The following OR1F1 variants were observed in gnomAD, a reference collection of about 807,000 sequenced individuals.
OR1F1 encodes olfactory receptor 1F1.
For missense variants in OR1F1, 493 were observed against 376.3 expected (o/e 1.31, Z -2.57); for synonymous variants, 184 against 156.7 (o/e 1.17, Z -1.30).
At chr16:3,196,951 C>T in the OR1F1 span, among the ~76,000 whole-genome samples, 2 of 151,982 alleles carry the variant, frequency 1.3e-5, no homozygotes, top group East Asian at 3.9e-4. Context: ...ATCTCAGCTT[C>T]CTGCAACCTC....
At chr16:3,196,916 G>T in the OR1F1 span, among the ~76,000 whole-genome samples, 1 of 151,802 alleles carries the variant, frequency 6.6e-6, no homozygotes, top group Non-Finnish European at 1.5e-5. Context: ...TCACTCTGTT[G>T]ACCAGGCTGG....
chr16:3,196,630 C>A, the OR1F1 span, among the ~76,000 whole-genome samples: 2 of 151,894 alleles, frequency 1.3e-5, no homozygotes, highest in Non-Finnish European at 2.9e-5. Flanking sequence ...TCAAGAGATC[C>A]CCCTGCGTTG....
chr16:3,193,597 G>C, the OR1F1 span, among the ~76,000 whole-genome samples: 1 of 151,982 alleles, frequency 6.6e-6, no homozygotes, highest in Non-Finnish European at 1.5e-5. Flanking sequence ...CAAGAACTGG[G>C]CTAAGACTAT....
chr16:3,193,754 C>A, the OR1F1 span, among the ~76,000 whole-genome samples: 1 of 152,174 alleles, frequency 6.6e-6, no homozygotes, highest in African/African-American at 2.4e-5. Context: ...AGCGCAACCA[C>A]AACCGGCTAA....
rs141199102 is a variant in OR1F1, at chr16:3,204,286, C to T, written c.40C>T (p.Leu14Phe). 3.7e-6 allele frequency: 6 copies of T among 1,613,080 alleles called. No individual in the cohort carries two copies. In the African/African-American group the frequency reaches 5.3e-5, roughly 14 times the overall value. The change falls in exon 1 of 1, where the codon CTC becomes TTC. Residue 14 changes from leucine to phenylalanine, a missense_variant. By Grantham distance (22) the Leu-to-Phe change is conservative. Coordinates refer to ENST00000304646, the Ensembl canonical transcript of OR1F1. ...CCAGTCGAGTGTCTCCGAGTTCCTC[C>T]TCCTGGGACTCTCCAGGCAGCCCCA... is the stretch of plus-strand genomic sequence containing the variant.
exon 1 of OR1F1, chr16:3,204,291 G>C (rs767191912): frequency 2.5e-6 from 4 of 1,613,582 alleles, no homozygotes; most frequent in Non-Finnish European, 3.4e-6. Context: ...TCCTCCTCCT[G>C]GGACTCTCCA....
At chr16:3,189,367 A>G in the OR1F1 span, among the ~76,000 whole-genome samples, 10 of 151,764 alleles carry the variant, frequency 6.6e-5, no homozygotes, top group Non-Finnish European at 5.9e-5. Flanking sequence ...GGAGACGCCG[A>G]ATCCCCAACT....
the OR1F1 span, among the ~76,000 whole-genome samples, chr16:3,190,773 G>T: frequency 7.2e-6 from 1 of 138,228 alleles, no homozygotes; most frequent in Non-Finnish European, 1.6e-5. Context: ...AAAAAAGACC[G>T]CAAAACAAGG....
At chr16:3,205,034 T>A (rs1958188247) in exon 1 of OR1F1, 5 of 1,614,020 alleles carry the variant, frequency 3.1e-6, no homozygotes, top group Non-Finnish European at 4.2e-6. Flanking sequence ...TTTAACCCTC[T>A]GTCCTCCCAC....
At chr16:3,190,654 G>A in the OR1F1 span, among the ~76,000 whole-genome samples, 1 of 151,554 alleles carries the variant, frequency 6.6e-6, no homozygotes, top group East Asian at 2.0e-4. Flanking sequence ...GGAAGGATGA[G>A]GCAGGAGAAT....
upstream of OR1F1, among the ~76,000 whole-genome samples, chr16:3,203,524 G>A (rs1436288679): frequency 6.6e-6 from 1 of 152,240 alleles, no homozygotes; most frequent in Admixed American, 6.5e-5. Flanking sequence ...CCAGCACCTT[G>A]GGAGGCCAAG....
the OR1F1 span, among the ~76,000 whole-genome samples, chr16:3,195,346 C>T: frequency 6.6e-6 from 1 of 152,176 alleles, no homozygotes; most frequent in East Asian, 1.9e-4. Flanking sequence ...AAAACAGCTA[C>T]CGCGACTTGT....
the OR1F1 span, among the ~76,000 whole-genome samples, chr16:3,194,985 C>T: frequency 1.3e-5 from 2 of 152,302 alleles, no homozygotes; most frequent in East Asian, 1.9e-4. Flanking sequence ...TGGCATCGGT[C>T]CAGGATTTGG....
At chr16:3,205,683 A>G (rs903359054), downstream of OR1F1, among the ~76,000 whole-genome samples, 4 of 152,152 alleles carry the variant, frequency 2.6e-5, no homozygotes, top group African/African-American at 4.8e-5. Flanking sequence ...CTTTACTGCA[A>G]TCTCTGAACA....
the OR1F1 span, among the ~76,000 whole-genome samples, chr16:3,193,944 C>T: frequency 1.3e-5 from 2 of 152,164 alleles, no homozygotes; most frequent in Non-Finnish European, 2.9e-5. Flanking sequence ...GGATAAGGTA[C>T]TGGCCTCCTA....
chr16:3,194,030 C>G, the OR1F1 span, among the ~76,000 whole-genome samples: 2 of 152,160 alleles, frequency 1.3e-5, no homozygotes, highest in Non-Finnish European at 1.5e-5. Flanking sequence ...TAAGGTATCA[C>G]GCCTTTTAAA....
chr16:3,199,450 C>A (rs962685902), upstream of OR1F1, among the ~76,000 whole-genome samples: 1 of 151,982 alleles, frequency 6.6e-6, no homozygotes, highest in South Asian at 2.1e-4. Flanking sequence ...CAAGACCAGT[C>A]GAGACCAGCC....
chr16:3,191,681 T>G, the OR1F1 span, among the ~76,000 whole-genome samples: 2 of 152,002 alleles, frequency 1.3e-5, no homozygotes, highest in Non-Finnish European at 2.9e-5. Flanking sequence ...AATGATTGAA[T>G]TTTGGTCTCC....
the OR1F1 span, among the ~76,000 whole-genome samples, chr16:3,190,350 A>G: frequency 6.6e-6 from 1 of 152,018 alleles, no homozygotes; most frequent in Non-Finnish European, 1.5e-5. Flanking sequence ...CCTCTGGTCT[A>G]CTCTGAGGAC....
Sources: allele counts gnomAD v4.1 joint callset (sites outside exome capture counted in the v4.1 genomes callset), GRCh38; gene constraint gnomAD v4.1.1; transcripts MANE v1.5; gene names NCBI Gene and HGNC (gene_info 2026-07-23, HGNC 2026-07-21).